The following NUBPL variants were observed in gnomAD, a reference collection of about 807,000 sequenced individuals.
The protein encoded by NUBPL is iron-sulfur cluster transfer protein NUBPL.
NUBPL carries 31 observed loss-of-function variants against 45.7 expected under a neutral mutation model. That is an observed-to-expected ratio of 0.68 (90% CI 0.51 to 0.92). NUBPL has a LOEUF of 0.92. Among genes scored for constraint, NUBPL ranks in the 40% least tolerant of loss-of-function variants. The pLI is 0.00. For missense variants in NUBPL, 401 were observed against 398.7 expected (o/e 1.01, Z -0.05); for synonymous variants, 144 against 140.9 (o/e 1.02, Z -0.15).
chr14:31,643,545 G>C lies in NUBPL; in HGVS notation c.383-29810G>C, dbSNP rs60980259. 1.9e-4 allele frequency among the ~76,000 whole-genome samples: 29 copies of C among 152,222 alleles called. 1 individual carries two copies. In the East Asian group the frequency reaches 4.2e-3, roughly 22 times the overall value. ...TATTTTTAATGTGTTGTTGAATTCAGTTCGCTGCTATTTTGTTGAGGATTT... is the reference window on the plus strand; with the variant it reads ...TATTTTTAATGTGTTGTTGAATTCACTTCGCTGCTATTTTGTTGAGGATTT... On this transcript the variant is annotated intron_variant, in intron 4 of 10. Coordinates refer to ENST00000281081, the MANE Select transcript of NUBPL (RefSeq NM_025152.3).
At chr14:31,790,522 T>C (rs2039360788) in intron 7 of NUBPL, among the ~76,000 whole-genome samples, 1 of 152,172 alleles carries the variant, frequency 6.6e-6, no homozygotes, top group Non-Finnish European at 1.5e-5. Context: ...CACCAGAGCC[T>C]TCATCTTCTC....
At chr14:31,838,309 A>G (rs2040317182) in intron 8 of NUBPL, among the ~76,000 whole-genome samples, 1 of 149,562 alleles carries the variant, frequency 6.7e-6, no homozygotes. Flanking sequence ...AGAGAGAGAC[A>G]TGTACAAAAA....
At chr14:31,850,459 G>T (rs2040521132) in intron 10 of NUBPL, among the ~76,000 whole-genome samples, 1 of 152,146 alleles carries the variant, frequency 6.6e-6, no homozygotes, top group Non-Finnish European at 1.5e-5. Context: ...CGTGAAAAGA[G>T]AGTTTGTAAA....
chr14:31,663,045 G>A (rs1256786279), intron 4 of NUBPL, among the ~76,000 whole-genome samples: 1 of 152,134 alleles, frequency 6.6e-6, no homozygotes, highest in Non-Finnish European at 1.5e-5. Context: ...ATCTTCTTTT[G>A]AGAAGTGTCT....
At chr14:31,813,506 G>GATAT (rs1217625283) in intron 7 of NUBPL, among the ~76,000 whole-genome samples, 4 of 148,168 alleles carry the variant, frequency 2.7e-5, no homozygotes, top group African/African-American at 1.0e-4. Flanking sequence ...CATATATACA[G>GATAT]ATATATATAT....
chr14:31,806,026 AAAACC>A, intron 7 of NUBPL, among the ~76,000 whole-genome samples: 1 of 152,218 alleles, frequency 6.6e-6, no homozygotes, highest in Non-Finnish European at 1.5e-5. Context: ...GTTCTTACTA[AAAACC>A]ACTTTTAAAT....
At chr14:31,761,394 C>A (rs2038806317) in intron 6 of NUBPL, among the ~76,000 whole-genome samples, 1 of 151,904 alleles carries the variant, frequency 6.6e-6, no homozygotes, top group Non-Finnish European at 1.5e-5. Context: ...TTTTTAATTA[C>A]AAAGAAAATA....
At chr14:31,685,874 T>G (rs1032512809) in intron 6 of NUBPL, among the ~76,000 whole-genome samples, 2 of 152,190 alleles carry the variant, frequency 1.3e-5, no homozygotes, top group African/African-American at 4.8e-5. Flanking sequence ...TTCAAATTTA[T>G]AGGCTTTCTA....
intron 8 of NUBPL, among the ~76,000 whole-genome samples, chr14:31,833,488 A>G (rs2040225583): frequency 6.6e-6 from 1 of 152,174 alleles, no homozygotes; most frequent in African/African-American, 2.4e-5. Context: ...AAGTTGCTAT[A>G]TTATTTTGAG....
chr14:31,859,519 A>G lies in NUBPL; in HGVS notation c.*339A>G. 1 of 354,662 alleles carries G rather than the reference A, an allele frequency of 2.8e-6. No individual in the cohort carries two copies. 22.0% of individuals were successfully genotyped at this position (354,662 alleles called of 1,614,324 possible). A position where few individuals can be genotyped will look rare whatever the true frequency, so the allele number is the denominator to read the frequency against. The stretch of plus-strand genomic sequence containing the variant: ...ACACTTTTTGCAGGACCACAGAATT[A>G]GTAATTTAAATGATATACTAAATTT... On this transcript the variant is annotated 3_prime_UTR_variant, in exon 11 of 11. Transcript: ENST00000281081.
chr14:31,793,185 A>C (rs768397280), intron 7 of NUBPL, among the ~76,000 whole-genome samples: 1 of 151,480 alleles, frequency 6.6e-6, no homozygotes, highest in Non-Finnish European at 1.5e-5. Flanking sequence ...CTTCCCAGTA[A>C]ACACCTTCAT....
At chr14:31,831,287 C>G (rs1391127433) in intron 8 of NUBPL, among the ~76,000 whole-genome samples, 1 of 152,042 alleles carries the variant, frequency 6.6e-6, no homozygotes, top group African/African-American at 2.4e-5. Flanking sequence ...AAGCAATCCA[C>G]CCGCCTCAGT....
chr14:31,562,504 G>A (rs1239735929), intron 2 of NUBPL, among the ~76,000 whole-genome samples: 1 of 151,634 alleles, frequency 6.6e-6, no homozygotes, highest in South Asian at 2.1e-4. Flanking sequence ...TCATAAGATG[G>A]TTATTCAAAT....
intron 3 of NUBPL, among the ~76,000 whole-genome samples, chr14:31,572,384 C>T (rs1248462441): frequency 6.6e-6 from 1 of 152,032 alleles, no homozygotes; most frequent in African/African-American, 2.4e-5. Context: ...CATGATCCGC[C>T]TGCTTCGGCC....
chr14:31,789,093 G>A (rs758491520), intron 7 of NUBPL, among the ~76,000 whole-genome samples: 47 of 152,246 alleles, frequency 3.1e-4, no homozygotes, highest in Non-Finnish European at 6.0e-4. Context: ...TTGGGAGGCC[G>A]AGGTGGGTGG....
At chr14:31,800,327 A>C (rs2039562794) in intron 7 of NUBPL, among the ~76,000 whole-genome samples, 1 of 152,214 alleles carries the variant, frequency 6.6e-6, no homozygotes, top group East Asian at 1.9e-4. Flanking sequence ...TGGTACAGTG[A>C]GAATACATAC....
At chr14:31,819,471 A>G (rs549581481) in intron 7 of NUBPL, among the ~76,000 whole-genome samples, 23 of 152,276 alleles carry the variant, frequency 1.5e-4, no homozygotes, top group African/African-American at 5.3e-4. Flanking sequence ...GAAGTTCTCA[A>G]TCAAGCAAGA....
chr14:31,712,564 C>A (rs1006451737), intron 6 of NUBPL, among the ~76,000 whole-genome samples: 1 of 152,250 alleles, frequency 6.6e-6, no homozygotes, highest in Admixed American at 6.5e-5. Context: ...CCTCGGCCAG[C>A]CCCAGAGAGG....
At chr14:31,829,575 T>G (rs575067468) in intron 8 of NUBPL, among the ~76,000 whole-genome samples, 1 of 152,318 alleles carries the variant, frequency 6.6e-6, no homozygotes, top group East Asian at 1.9e-4. Context: ...AATTATTAAG[T>G]GTTTTATAAA....
Sources: gnomAD v4.1 joint callset for allele counts (sites outside exome capture counted in the v4.1 genomes callset) on GRCh38, gnomAD v4.1.1 for gene constraint, MANE v1.5 for transcripts, NCBI Gene and HGNC (gene_info 2026-07-23, HGNC 2026-07-21) for gene names.